Variants in MACROD2 observed in about 807,000 individuals in gnomAD.
MACROD2 encodes mono-ADP ribosylhydrolase 2, also known as ADP-ribose glycohydrolase MACROD2.
MACROD2 carries 36 observed loss-of-function variants against 70.4 expected under a neutral mutation model. That is an observed-to-expected ratio of 0.51 (90% confidence interval 0.39 to 0.68). The LOEUF is 0.68. MACROD2 is among the 30% of genes least tolerant of loss of function. MACROD2 has a pLI of 0.00. For synonymous variants in MACROD2, 172 were observed against 178.8 expected, an observed-to-expected ratio of 0.96 and a Z score of 0.30; for missense variants, 496 against 538.4, an observed-to-expected ratio of 0.92 and a Z score of 0.78.
At chr20:14,401,457 T>A (rs762126992) in intron 3 of MACROD2, among the ~76,000 whole-genome samples, 27 of 152,202 alleles carry the variant, frequency 1.8e-4, no homozygotes, top group Non-Finnish European at 2.9e-4. Context: ...AATTTTTGTT[T>A]GTGTATTTTA....
chr20:15,977,157 G>A (rs574119770), intron 13 of MACROD2, among the ~76,000 whole-genome samples: 2 of 152,250 alleles, frequency 1.3e-5, no homozygotes, highest in South Asian at 2.1e-4. Context: ...CAAATAGTAC[G>A]TTAAAGGTCC....
intron 3 of MACROD2, among the ~76,000 whole-genome samples, chr20:14,217,025 T>C (rs1180048444): frequency 4.6e-5 from 7 of 152,186 alleles, no homozygotes; most frequent in Non-Finnish European, 2.9e-5. Context: ...CTGCTCTGGC[T>C]AGGACTTCCA....
At chr20:14,557,150 A>G (rs1431224394) in intron 4 of MACROD2, among the ~76,000 whole-genome samples, 19 of 151,980 alleles carry the variant, frequency 1.3e-4, no homozygotes, top group Non-Finnish European at 1.5e-4. Flanking sequence ...GACAAATGGT[A>G]CTGGGTTAAC....
intron 7 of MACROD2, among the ~76,000 whole-genome samples, chr20:15,480,785 G>A (rs185491959): frequency 9.2e-5 from 14 of 152,070 alleles, no homozygotes; most frequent in Non-Finnish European, 1.5e-4. Context: ...CCACCCCTGC[G>A]TTGATACCAT....
At position 14,326,255 on chromosome 20, in the gene MACROD2, C is replaced by A; in HGVS notation, c.272-167224C>A. The A allele has an allele frequency of 6.2e-7, 1 of 1,613,920 alleles. No individual in the cohort carries two copies. Among genetic ancestry groups the A allele is most frequent in the Non-Finnish European group, 8.5e-7 (1 of 1,179,866 alleles). On this transcript the variant is annotated intron_variant, in intron 3 of 17. Coordinates refer to ENST00000684519, the MANE Select transcript of MACROD2 (RefSeq NM_001351661.2). This position sits in a 1 kb window ranked among gnomAD's most constrained non-coding sequence, Gnocchi z 5.5. ...GAGATATGAATGGTATCAGAGGTGA[C>A]AGACTTCACAGTAATTGTAATTGTT...
At chr20:15,332,123 A>T (rs8114406) in intron 6 of MACROD2, among the ~76,000 whole-genome samples, 67,885 of 150,974 alleles carry the variant, frequency 0.45, 15,732 homozygotes, top group Non-Finnish European at 0.47. Context: ...TTGAACTGAT[A>T]GTGTGGGCTC....
intron 8 of MACROD2, among the ~76,000 whole-genome samples, chr20:15,629,304 C>T (rs919532316): frequency 6.6e-6 from 1 of 152,174 alleles, no homozygotes; most frequent in Non-Finnish European, 1.5e-5. Flanking sequence ...GCTTTTCTGA[C>T]GCGACTGTTT....
chr20:15,858,285 TA>T (rs11461459), intron 8 of MACROD2, among the ~76,000 whole-genome samples: 1 of 151,348 alleles, frequency 6.6e-6, no homozygotes, highest in South Asian at 2.1e-4. Flanking sequence ...GCCTAACATT[TA>T]AAAAAAAATG....
chr20:14,326,715 T>C lies in MACROD2; in HGVS notation c.272-166764T>C. 6.2e-7 allele frequency: 1 copy of C among 1,613,754 alleles called. No homozygotes were observed. The highest frequency in any genetic ancestry group is 8.5e-7 in the Non-Finnish European group (1 of 1,179,806). The stretch of plus-strand genomic sequence containing the variant: ...GCTGCCTTAGATAAGAAAAAGCATT[T>C]GGGGGCACCCGATTGATGTGGTTAT... On this transcript the variant is annotated intron_variant, in intron 3 of 17. Coordinates refer to ENST00000684519, the MANE Select transcript of MACROD2 (RefSeq NM_001351661.2). This position sits in a 1 kb window ranked among gnomAD's most constrained non-coding sequence, Gnocchi z 5.5.
chr20:14,801,487 C>T (rs1363805400), intron 5 of MACROD2, among the ~76,000 whole-genome samples: 1 of 152,070 alleles, frequency 6.6e-6, no homozygotes, highest in Non-Finnish European at 1.5e-5. Context: ...TTAAGACCTT[C>T]TTCTGTAATC....
intron 8 of MACROD2, among the ~76,000 whole-genome samples, chr20:15,568,374 A>G (rs2048335713): frequency 1.3e-5 from 2 of 152,138 alleles, no homozygotes; most frequent in African/African-American, 2.4e-5. Flanking sequence ...GTGCCATATA[A>G]CAAACTCACG....
chr20:15,511,638 T>C (rs1220416738), intron 8 of MACROD2, among the ~76,000 whole-genome samples: 1 of 152,178 alleles, frequency 6.6e-6, no homozygotes, highest in Non-Finnish European at 1.5e-5. Context: ...TAAGAATAAC[T>C]CAGCTGTATA....
intron 6 of MACROD2, among the ~76,000 whole-genome samples, chr20:15,362,034 C>T (rs867743310): frequency 5.5e-5 from 8 of 144,868 alleles, no homozygotes; most frequent in Non-Finnish European, 1.0e-4. Context: ...TTTTTTGAGA[C>T]GGAGTCTCGC....
intron 5 of MACROD2, among the ~76,000 whole-genome samples, chr20:15,062,142 C>A (rs75128527): frequency 0.074 from 11,216 of 152,088 alleles, 647 homozygotes; most frequent in Non-Finnish European, 0.11. Flanking sequence ...AGGAATTTGG[C>A]CTTGTGCGTG....
At chr20:14,298,330 G>A (rs745813527) in intron 3 of MACROD2, among the ~76,000 whole-genome samples, 3 of 151,818 alleles carry the variant, frequency 2.0e-5, no homozygotes, top group Non-Finnish European at 4.4e-5. Flanking sequence ...CACTTTGGGA[G>A]GCTGAGGCGG....
chr20:14,010,157 G>T lies in MACROD2; in HGVS notation c.163+7753G>T, dbSNP rs1447087362. On this transcript the variant is annotated intron_variant, in intron 2 of 17. Coordinates refer to ENST00000684519, the MANE Select transcript of MACROD2 (RefSeq NM_001351661.2). ...AAAGTTGGAAATTAAAAAAAAATTT[G>T]GTCATTTAGAAAGACTTTATATTTC... Among the ~76,000 whole-genome samples the T allele has an allele frequency of 4.6e-5, 7 of 152,058 alleles. No homozygotes were observed. The South Asian group carries it at 1.2e-3, about 27-fold the overall frequency.
intron 16 of MACROD2, among the ~76,000 whole-genome samples, chr20:16,043,841 C>CT (rs2067340305): frequency 1.3e-5 from 2 of 152,218 alleles, no homozygotes; most frequent in East Asian, 3.9e-4. Flanking sequence ...ATGTGCTTTG[C>CT]TTTGCCTTCT....
At chr20:14,146,050 C>T (rs2054938449) in intron 3 of MACROD2, among the ~76,000 whole-genome samples, 2 of 152,118 alleles carry the variant, frequency 1.3e-5, no homozygotes, top group Admixed American at 6.6e-5. Flanking sequence ...TGGCCAGGCG[C>T]GGTGGCTCAC....
intron 10 of MACROD2, among the ~76,000 whole-genome samples, chr20:15,926,729 C>T (rs958753404): frequency 1.3e-5 from 2 of 152,162 alleles, no homozygotes; most frequent in Non-Finnish European, 2.9e-5. Flanking sequence ...GGAGAGGAGA[C>T]TCCAATGTGC....
Sources: gnomAD v4.1 joint callset for allele counts (sites outside exome capture counted in the v4.1 genomes callset) on GRCh38, gnomAD v4.1.1 for gene constraint, Gnocchi (gnomAD v3.1) non-coding constraint, MANE v1.5 for transcripts, NCBI Gene and HGNC (gene_info 2026-07-23, HGNC 2026-07-21) for gene names.